Variants in SUPT3H observed in about 807,000 individuals in gnomAD.
SUPT3H encodes the protein transcription initiation protein SPT3 homolog.
Under a neutral mutation model 44.3 loss-of-function variants are expected in SUPT3H, and 44 were observed. That is an observed-to-expected ratio of 0.99 (90% CI 0.78 to 1.28). The LOEUF is 1.28. Ranked by LOEUF, SUPT3H falls within the 50% of genes most tolerant of loss-of-function variation. The pLI is 0.00. For missense variants in SUPT3H, 380 were observed against 387.1 expected (o/e 0.98, Z 0.15); for synonymous variants, 124 against 125.6 (o/e 0.99, Z 0.09).
At chr6:45,260,295 C>T (rs542147539) in intron 2 of SUPT3H, among the ~76,000 whole-genome samples, 2 of 152,180 alleles carry the variant, frequency 1.3e-5, no homozygotes, top group South Asian at 4.1e-4. Flanking sequence ...TGGAAACTTC[C>T]AAATTGACAG....
At chr6:45,156,938 A>G (rs1300863335) in intron 2 of SUPT3H, among the ~76,000 whole-genome samples, 1 of 152,244 alleles carries the variant, frequency 6.6e-6, no homozygotes, top group South Asian at 2.1e-4. Flanking sequence ...TCTAGTTGAA[A>G]TCAAGACACA....
At chr6:44,821,677 C>T (rs1008596157) in intron 11 of SUPT3H, among the ~76,000 whole-genome samples, 1 of 152,060 alleles carries the variant, frequency 6.6e-6, no homozygotes, top group Non-Finnish European at 1.5e-5. Flanking sequence ...AGCAAAACTT[C>T]CTAATGTTAA....
chr6:44,967,070 T>G (rs1489774820), intron 6 of SUPT3H, among the ~76,000 whole-genome samples: 1 of 152,192 alleles, frequency 6.6e-6, no homozygotes, highest in Non-Finnish European at 1.5e-5. Flanking sequence ...GCAACATACT[T>G]AGAGGATTTT....
At chr6:45,297,883 T>C (rs1225647543) in intron 2 of SUPT3H, among the ~76,000 whole-genome samples, 1 of 152,224 alleles carries the variant, frequency 6.6e-6, no homozygotes, top group African/African-American at 2.4e-5. Context: ...TTAGGTACTT[T>C]ACACATATTA....
chr6:45,367,987 T>G (rs1581961908), intron 1 of SUPT3H, among the ~76,000 whole-genome samples: 1 of 152,146 alleles, frequency 6.6e-6, no homozygotes, highest in Non-Finnish European at 1.5e-5. Flanking sequence ...TCTTTACACA[T>G]CAAAGTCCTA....
chr6:45,169,444 G>A (rs1442908918), intron 2 of SUPT3H, among the ~76,000 whole-genome samples: 1 of 152,038 alleles, frequency 6.6e-6, no homozygotes, highest in African/African-American at 2.4e-5. Flanking sequence ...CCAACTGTAT[G>A]CAGCACTAGA....
Position 45,166,038 on chromosome 6 carries a change from A to G in SUPT3H, c.102-60032T>C, listed in dbSNP as rs906974266. On this transcript the variant is annotated intron_variant, in intron 2 of 10. Coordinates refer to ENST00000371459, the MANE Select transcript of SUPT3H (RefSeq NM_003599.4). ...CCAGGCACAGTGGCTCACGCCTGCA[A>G]TCCTAGCACTTTGGGAAGCCAAGGC... Among the ~76,000 whole-genome samples, 76 of 152,234 alleles carry G rather than the reference A, an allele frequency of 5.0e-4. 2 individuals are homozygous for G. The highest frequency in any genetic ancestry group is 1.5e-5 in the Non-Finnish European group (1 of 68,038).
intron 2 of SUPT3H, among the ~76,000 whole-genome samples, chr6:45,302,446 C>T (rs544396748): frequency 6.4e-4 from 90 of 141,626 alleles, no homozygotes; most frequent in Middle Eastern, 3.9e-3. Context: ...CTTTTTATGG[C>T]TGAGTAGTAT....
chr6:44,963,825 C>A (rs1776407613), intron 6 of SUPT3H, among the ~76,000 whole-genome samples: 1 of 151,838 alleles, frequency 6.6e-6, no homozygotes, highest in South Asian at 2.1e-4. Flanking sequence ...CGGTGAAACC[C>A]CATCTCTACT....
intron 2 of SUPT3H, among the ~76,000 whole-genome samples, chr6:45,178,454 AC>A (rs1288770270): frequency 6.6e-6 from 1 of 152,070 alleles, no homozygotes; most frequent in Middle Eastern, 3.2e-3. Context: ...AGACTCCCAC[AC>A]ATTAATAATG....
chr6:45,111,765 C>T (rs947495637), intron 2 of SUPT3H, among the ~76,000 whole-genome samples: 14 of 152,122 alleles, frequency 9.2e-5, no homozygotes, highest in South Asian at 2.1e-4. Context: ...TGAGTAGGTG[C>T]CCAGCTGACA....
At chr6:45,347,058 T>C (rs1444508503) in intron 2 of SUPT3H, among the ~76,000 whole-genome samples, 1 of 152,130 alleles carries the variant, frequency 6.6e-6, no homozygotes, top group Non-Finnish European at 1.5e-5. Context: ...TTTATATAAT[T>C]AAAAATTGAA....
chr6:45,244,293 C>T (rs1360609259), intron 2 of SUPT3H, among the ~76,000 whole-genome samples: 1 of 152,184 alleles, frequency 6.6e-6, no homozygotes, highest in Non-Finnish European at 1.5e-5. Flanking sequence ...TAGATACGCT[C>T]CCACAGTTCT....
intron 2 of SUPT3H, among the ~76,000 whole-genome samples, chr6:45,168,292 T>C (rs1393069358): frequency 6.6e-6 from 1 of 152,194 alleles, no homozygotes; most frequent in African/African-American, 2.4e-5. Context: ...TCCAAAATGC[T>C]TGGGATCGGA....
At position 45,281,985 on chromosome 6, in the gene SUPT3H, A is replaced by T. The variant is rs1160408631; in HGVS notation, c.101+83216T>A. 2.0e-5 allele frequency among the ~76,000 whole-genome samples: 3 copies of T among 152,332 alleles called. No homozygotes were observed. In the East Asian group the frequency reaches 5.8e-4, roughly 29 times the overall value. Reference sequence around the variant, plus strand: ...TGATACCCAGGCAAACAGGGTCTAGAGTGGACATCCAGCAAACTCCAACAG... The same window carrying T: ...TGATACCCAGGCAAACAGGGTCTAGTGTGGACATCCAGCAAACTCCAACAG... On this transcript the variant is annotated intron_variant, in intron 2 of 10. Coordinates refer to ENST00000371459, the MANE Select transcript of SUPT3H (RefSeq NM_003599.4).
At chr6:45,217,368 A>C (rs571269592) in intron 2 of SUPT3H, among the ~76,000 whole-genome samples, 1 of 150,250 alleles carries the variant, frequency 6.7e-6, no homozygotes, top group Non-Finnish European at 1.5e-5. Flanking sequence ...CCAGCTACTC[A>C]GGAGGCTGAG....
At chr6:45,023,472 G>A (rs575893476) in intron 3 of SUPT3H, among the ~76,000 whole-genome samples, 41 of 152,072 alleles carry the variant, frequency 2.7e-4, no homozygotes, top group Non-Finnish European at 4.4e-4. Flanking sequence ...AAAGACACAT[G>A]CACACAAATG....
rs115888770 is a variant in SUPT3H, at chr6:45,232,843, G to A, written c.102-126837C>T. ...AGATCCCACTGCCAGTGAGGGTGCCGTCACCACTCACAGCCCTGGAAAGCT... is the reference window on the plus strand; with the variant it reads ...AGATCCCACTGCCAGTGAGGGTGCCATCACCACTCACAGCCCTGGAAAGCT... On this transcript the variant is annotated intron_variant, in intron 2 of 10. Transcript: ENST00000371459. Among the ~76,000 whole-genome samples, 345 of 152,194 alleles carry A rather than the reference G, an allele frequency of 2.3e-3. 4 individuals carry two copies. Among genetic ancestry groups the A allele is most frequent in the Middle Eastern group, 0.02 (6 of 294 alleles).
intron 2 of SUPT3H, among the ~76,000 whole-genome samples, chr6:45,337,821 T>C (rs1788905807): frequency 1.3e-5 from 2 of 151,990 alleles, no homozygotes; most frequent in South Asian, 4.1e-4. Context: ...ATTAAATAAT[T>C]CTTTTTGCGA....
Sources: gnomAD v4.1 joint callset for allele counts (sites outside exome capture counted in the v4.1 genomes callset) on GRCh38, gnomAD v4.1.1 for gene constraint, MANE v1.5 for transcripts, NCBI Gene and HGNC (gene_info 2026-07-23, HGNC 2026-07-21) for gene names.